Variants in SATB2 observed in about 807,000 individuals in gnomAD.
The protein encoded by SATB2 is DNA-binding protein SATB2.
Under a neutral mutation model 73.4 loss-of-function variants are expected in SATB2, and 1 was observed. The ratio of observed to expected loss-of-function variants is 0.01; its 90% CI spans 0.00 to 0.06. The LOEUF is 0.06. Ranked by LOEUF, SATB2 falls within the 10% of genes least tolerant of loss-of-function variation. The pLI is 1.00. For missense variants in SATB2, 459 were observed against 945.8 expected, an observed-to-expected ratio of 0.49 and a Z score of 6.75; for synonymous variants, 397 against 367.0, an observed-to-expected ratio of 1.08 and a Z score of -0.93.
chr2:199,411,753 C>T (rs1459405512), intron 3 of SATB2, among the ~76,000 whole-genome samples: 1 of 152,148 alleles, frequency 6.6e-6, no homozygotes, highest in Non-Finnish European at 1.5e-5. Flanking sequence ...GAACAACTCA[C>T]AGAACAGGGA....
intron 3 of SATB2, among the ~76,000 whole-genome samples, chr2:199,426,895 T>G (rs1691352931): frequency 6.6e-6 from 1 of 151,920 alleles, no homozygotes; most frequent in South Asian, 2.1e-4. Context: ...AGAGACAGAG[T>G]CTTTCTCTGT....
intron 3 of SATB2, among the ~76,000 whole-genome samples, chr2:199,418,930 G>T (rs1691082078): frequency 6.6e-6 from 1 of 152,036 alleles, no homozygotes; most frequent in Non-Finnish European, 1.5e-5. Context: ...GATCCCAAAA[G>T]GCATCGAGTG....
intron 6 of SATB2, among the ~76,000 whole-genome samples, chr2:199,364,645 A>T (rs915143390): frequency 1.3e-5 from 2 of 152,162 alleles, no homozygotes; most frequent in Non-Finnish European, 2.9e-5. Flanking sequence ...GTATTATTTT[A>T]TAACACAAAT....
intron 7 of SATB2, among the ~76,000 whole-genome samples, chr2:199,337,114 C>G (rs955864157): frequency 3.9e-5 from 6 of 151,992 alleles, no homozygotes; most frequent in African/African-American, 1.5e-4. Flanking sequence ...ATTCAAGACA[C>G]TCTAGTTATA....
In SATB2 at chr2:199,368,354, T is replaced by C. The variant is rs189198100; in HGVS notation, c.700+251A>G. Among the ~76,000 whole-genome samples the C allele has an allele frequency of 1.1e-4, 16 of 152,308 alleles. No homozygotes were observed. The East Asian group carries it at 3.1e-3, about 29-fold the overall frequency. ...TTTTAAGTTTCCATTCTAAAGGATT[T>C]TGGTCTTTGCAGGTATCACTTATGA... On this transcript the variant is annotated intron_variant, in intron 6 of 10. Coordinates refer to ENST00000417098, the MANE Select transcript of SATB2 (RefSeq NM_001172509.2).
intron 10 of SATB2, among the ~76,000 whole-genome samples, chr2:199,300,607 G>A (rs998261632): frequency 1.1e-4 from 16 of 151,978 alleles, no homozygotes; most frequent in African/African-American, 2.9e-4. Context: ...TTTTTGTACC[G>A]ATATAAATGA....
chr2:199,280,806 C>T (rs193217900), intron 10 of SATB2, among the ~76,000 whole-genome samples: 1,775 of 152,280 alleles, frequency 0.012, 29 homozygotes, highest in African/African-American at 0.039. Flanking sequence ...ATTTTAATTT[C>T]GCCCCTGTCC....
At chr2:199,467,882 G>C (rs1692623684), upstream of SATB2, among the ~76,000 whole-genome samples, 1 of 152,112 alleles carries the variant, frequency 6.6e-6, no homozygotes, top group Admixed American at 6.5e-5. Flanking sequence ...CTCGGTCTCA[G>C]CATCCAGGTC....
intron 9 of SATB2, among the ~76,000 whole-genome samples, chr2:199,310,281 A>C (rs1341527441): frequency 6.6e-6 from 1 of 152,236 alleles, no homozygotes; most frequent in Non-Finnish European, 1.5e-5. Context: ...GTGAGAGGCC[A>C]CATTTGCGCA....
intron 8 of SATB2, among the ~76,000 whole-genome samples, chr2:199,327,881 A>G (rs1189017088): frequency 6.6e-6 from 1 of 152,154 alleles, no homozygotes; most frequent in Non-Finnish European, 1.5e-5. Context: ...CTGCATATGC[A>G]TGCTTCCACT....
At chr2:199,465,832 C>G (rs984513854), upstream of SATB2, among the ~76,000 whole-genome samples, 17 of 152,032 alleles carry the variant, frequency 1.1e-4, no homozygotes, top group African/African-American at 1.7e-4. Context: ...GTTAGCCTAA[C>G]GAAATGAAGA....
intron 7 of SATB2, among the ~76,000 whole-genome samples, chr2:199,332,384 T>C (rs964165892): frequency 3.9e-5 from 6 of 152,118 alleles, no homozygotes; most frequent in Non-Finnish European, 5.9e-5. Flanking sequence ...AAGAAGGAAG[T>C]TGGCCTTTTC....
intron 3 of SATB2, among the ~76,000 whole-genome samples, chr2:199,428,025 T>C (rs973218904): frequency 6.6e-6 from 1 of 152,168 alleles, no homozygotes; most frequent in African/African-American, 2.4e-5. Flanking sequence ...TAGATGGAAA[T>C]TCTGCTTTCT....
intron 10 of SATB2, among the ~76,000 whole-genome samples, chr2:199,274,197 G>T (rs1464687196): frequency 1.3e-5 from 2 of 152,062 alleles, no homozygotes; most frequent in East Asian, 1.9e-4. Flanking sequence ...ATTTTCCAGA[G>T]TTCAGGAGGA....
upstream of SATB2, among the ~76,000 whole-genome samples, chr2:199,468,727 GC>G (rs1280000091): frequency 3.9e-5 from 6 of 152,184 alleles, no homozygotes; most frequent in Admixed American, 3.9e-4. Flanking sequence ...CCCCTCGCAG[GC>G]CCGCCTCTGG....
chr2:199,280,487 T>C (rs1438021538), intron 10 of SATB2, among the ~76,000 whole-genome samples: 1 of 152,218 alleles, frequency 6.6e-6, no homozygotes, highest in Non-Finnish European at 1.5e-5. Context: ...AACAGAGCCA[T>C]ATTTCTCGTC....
intron 7 of SATB2, 103 bp downstream of exon 7, chr2:199,348,598 C>G (rs1484862820): frequency 2.2e-6 from 2 of 900,678 alleles, no homozygotes; most frequent in Admixed American, 3.9e-5. Flanking sequence ...AATTCTATGT[C>G]CTGAGATCCA....
At chr2:199,275,057 C>A (rs189814537) in intron 10 of SATB2, among the ~76,000 whole-genome samples, 5 of 152,198 alleles carry the variant, frequency 3.3e-5, no homozygotes, top group African/African-American at 1.2e-4. Flanking sequence ...AGCAATTGCG[C>A]TAATTGGAAA....
chr2:199,355,597 C>T (rs1326263635), intron 6 of SATB2, among the ~76,000 whole-genome samples: 2 of 151,880 alleles, frequency 1.3e-5, no homozygotes, highest in African/African-American at 4.8e-5. Context: ...GAAAAGCAAA[C>T]TGAAATTTCA....
Sources: gnomAD v4.1 joint callset for allele counts (sites outside exome capture counted in the v4.1 genomes callset) on GRCh38, gnomAD v4.1.1 for gene constraint, MANE v1.5 for transcripts, NCBI Gene and HGNC (gene_info 2026-07-23, HGNC 2026-07-21) for gene names.